The following LYN variants were observed in gnomAD, a reference collection of about 807,000 sequenced individuals.
LYN encodes the protein tyrosine-protein kinase Lyn.
A neutral mutation model predicts 65.0 loss-of-function variants in LYN; 12 were observed. The observed-to-expected ratio is 0.18, with a 90% CI of 0.12 to 0.30. LYN has a LOEUF of 0.30. Ranked by LOEUF, LYN falls within the 10% of genes least tolerant of loss-of-function variation. The pLI is 1.00. For missense variants in LYN, 380 were observed against 623.2 expected (o/e 0.61, Z 4.16); for synonymous variants, 222 against 221.2 (o/e 1.00, Z -0.03).
At chr8:55,982,159 G>A (rs1298486509) in intron 10 of LYN, among the ~76,000 whole-genome samples, 5 of 151,950 alleles carry the variant, frequency 3.3e-5, no homozygotes, top group Admixed American at 1.3e-4. Flanking sequence ...TCCACCCAGC[G>A]CCCCCAGTGT....
intron 8 of LYN, among the ~76,000 whole-genome samples, chr8:55,962,195 T>A (rs1022848999): frequency 6.6e-6 from 1 of 152,026 alleles, no homozygotes. Flanking sequence ...AATTCATTCA[T>A]CTTCATTCCA....
chr8:55,970,078 A>G (rs1200592296), intron 10 of LYN, among the ~76,000 whole-genome samples: 2 of 152,248 alleles, frequency 1.3e-5, no homozygotes, highest in African/African-American at 4.8e-5. Flanking sequence ...CAGCTGAATC[A>G]ATCACTTTCT....
At chr8:55,908,027 C>T (rs905084212) in intron 1 of LYN, among the ~76,000 whole-genome samples, 1 of 151,924 alleles carries the variant, frequency 6.6e-6, no homozygotes, top group Non-Finnish European at 1.5e-5. Context: ...TTTAGAAACT[C>T]CAACAGTTCT....
intron 1 of LYN, among the ~76,000 whole-genome samples, chr8:55,905,830 T>C (rs921279033): frequency 2.0e-5 from 3 of 152,160 alleles, no homozygotes; most frequent in African/African-American, 7.2e-5. Context: ...GGACTTCCCA[T>C]TAGGCCTGGA....
intron 8 of LYN, among the ~76,000 whole-genome samples, chr8:55,956,330 G>A (rs189321885): frequency 4.6e-5 from 7 of 152,260 alleles, no homozygotes; most frequent in African/African-American, 1.4e-4. Flanking sequence ...AAGTGCAGAC[G>A]TGACTTGCTG....
intron 9 of LYN, among the ~76,000 whole-genome samples, chr8:55,967,306 ATTTT>A (rs35631616): frequency 3.2e-5 from 3 of 95,128 alleles, no homozygotes; most frequent in Non-Finnish European, 6.0e-5. Flanking sequence ...TTCCTCTTTC[ATTTT>A]TTTTTTTTTT....
intron 8 of LYN, among the ~76,000 whole-genome samples, chr8:55,957,840 T>C (rs574053692): frequency 1.3e-5 from 2 of 152,074 alleles, no homozygotes; most frequent in East Asian, 3.9e-4. Context: ...TCCATCTACT[T>C]AGGAGGTTGA....
chr8:55,933,769 A>G (rs1416906859), intron 1 of LYN, among the ~76,000 whole-genome samples: 2 of 152,224 alleles, frequency 1.3e-5, no homozygotes, highest in African/African-American at 4.8e-5. Flanking sequence ...CTAGATGCCA[A>G]TCTTCCATAT....
chr8:55,969,012 G>A (rs1474523393), intron 9 of LYN, among the ~76,000 whole-genome samples: 1 of 152,220 alleles, frequency 6.6e-6, no homozygotes, highest in African/African-American at 2.4e-5. Context: ...TGGGCGTGGT[G>A]GCTCACACCT....
chr8:55,962,082 C>G (rs563118407), intron 8 of LYN, among the ~76,000 whole-genome samples: 1 of 152,212 alleles, frequency 6.6e-6, no homozygotes, highest in Non-Finnish European at 1.5e-5. Flanking sequence ...TTTTACTCAA[C>G]GGGTTGGTGA....
intron 1 of LYN, among the ~76,000 whole-genome samples, chr8:55,909,010 TAC>T (rs369256669): frequency 0.072 from 2,320 of 32,040 alleles, 179 homozygotes; most frequent in Non-Finnish European, 0.094. Flanking sequence ...TATATATATA[TAC>T]ACACACACAC....
rs543029810 is a variant in LYN, at chr8:55,977,632, G to A, written c.1050+7839G>A. The stretch of plus-strand genomic sequence containing the variant: ...GTGTTCTAGCCCAGAGCTCATCTCT[G>A]TCTGGCACAGTGGCTCATGCCTGTA... On this transcript the variant is annotated intron_variant, in intron 10 of 12. Coordinates refer to ENST00000519728, the MANE Select transcript of LYN (RefSeq NM_002350.4). Among the ~76,000 whole-genome samples, 30 of 152,076 alleles carry A rather than the reference G, an allele frequency of 2.0e-4. No individual in the cohort carries two copies. In the South Asian group the frequency reaches 5.8e-3, roughly 29 times the overall value.
At chr8:55,892,248 C>T (rs1259345625) in intron 1 of LYN, among the ~76,000 whole-genome samples, 1 of 152,112 alleles carries the variant, frequency 6.6e-6, no homozygotes, top group East Asian at 1.9e-4. Context: ...AAGTGAAACC[C>T]CATCTCTTCT....
intron 1 of LYN, among the ~76,000 whole-genome samples, chr8:55,899,600 T>C (rs1805203988): frequency 6.6e-6 from 1 of 152,246 alleles, no homozygotes; most frequent in Non-Finnish European, 1.5e-5. Context: ...CCAATCCTTA[T>C]AACAAGTGTG....
In LYN at chr8:55,998,331, T is replaced by C; in HGVS notation, c.1051-15T>C. On this transcript the variant is annotated splice_polypyrimidine_tract_variant and intron_variant, in intron 10 of 12. Coordinates refer to ENST00000519728, the MANE Select transcript of LYN (RefSeq NM_002350.4). Reference sequence around the variant, plus strand: ...TACCCTACATATGAAAATGGGAGCCTATTTCTGTTTTCAGATTGCAGAGGG... The same window carrying C: ...TACCCTACATATGAAAATGGGAGCCCATTTCTGTTTTCAGATTGCAGAGGG... The C allele has an allele frequency of 6.2e-7, 1 of 1,600,642 alleles. No individual in the cohort carries two copies. Among genetic ancestry groups the C allele is most frequent in the Non-Finnish European group, 8.6e-7 (1 of 1,168,514 alleles).
At chr8:55,897,224 G>A (rs933174220) in intron 1 of LYN, among the ~76,000 whole-genome samples, 4 of 152,142 alleles carry the variant, frequency 2.6e-5, no homozygotes, top group Non-Finnish European at 5.9e-5. Context: ...CAGTACATTA[G>A]AACTTTGATT....
chr8:55,984,265 C>T (rs528681827), intron 10 of LYN, among the ~76,000 whole-genome samples: 8 of 152,306 alleles, frequency 5.3e-5, no homozygotes, highest in African/African-American at 1.7e-4. Context: ...GTTAATCCAG[C>T]ACAGCTGTCT....
At chr8:55,985,279 T>C (rs2130559939) in intron 10 of LYN, among the ~76,000 whole-genome samples, 1 of 152,312 alleles carries the variant, frequency 6.6e-6, no homozygotes, top group Middle Eastern at 3.4e-3. Context: ...CCTTGCTTCT[T>C]CCTCAGCTTC....
chr8:55,882,330 A>G (rs1804674528), intron 1 of LYN, among the ~76,000 whole-genome samples: 2 of 152,368 alleles, frequency 1.3e-5, no homozygotes, highest in East Asian at 1.9e-4. Flanking sequence ...GCACTGTTCA[A>G]TGACTTTGAA....
Sources: allele counts gnomAD v4.1 joint callset (sites outside exome capture counted in the v4.1 genomes callset), GRCh38; gene constraint gnomAD v4.1.1; transcripts MANE v1.5; gene names NCBI Gene and HGNC (gene_info 2026-07-23, HGNC 2026-07-21).